Variants in ZNF182 observed in about 807,000 individuals in gnomAD.
ZNF182 encodes the protein zinc finger protein 21 (KOX 14).
ZNF182 carries 10 observed loss-of-function variants against 28.1 expected under a neutral mutation model. The observed-to-expected ratio is 0.36, with a 90% CI of 0.22 to 0.60. The LOEUF (loss-of-function observed/expected upper bound fraction) is 0.60. ZNF182 is among the 20% of genes least tolerant of loss of function. The pLI is 0.75. For synonymous variants in ZNF182, 156 were observed against 158.7 expected, an observed-to-expected ratio of 0.98 and a Z score of 0.13; for missense variants, 352 against 453.2, an observed-to-expected ratio of 0.78 and a Z score of 2.03.
At chrX:47,980,070 G>A (rs1229318992) in intron 5 of ZNF182, among the ~76,000 whole-genome samples, 3 of 111,261 alleles carry the variant, frequency 2.7e-5, no homozygotes, top group Admixed American at 9.6e-5. Flanking sequence ...GAATATCAAC[G>A]GATAAAGAAA....
At position 47,976,851 on chromosome X, in the gene ZNF182, A is replaced by T; in HGVS notation, c.1179T>A (p.Asn393Lys). 8.3e-7 allele frequency: 1 copy of T among 1,208,164 alleles called. No homozygotes were observed. Among genetic ancestry groups the T allele is most frequent in the Non-Finnish European group, 1.1e-6 (1 of 893,921 alleles). The change falls in exon 6 of 6, where the codon AAT becomes AAA. Residue 393 changes from asparagine to lysine, a missense_variant. Physicochemically the swap from Asn to Lys is moderately conservative, Grantham distance 94. Coordinates refer to ENST00000376943, the MANE Select transcript of ZNF182 (RefSeq NM_001007088.2). ...GATGCACAATGAGGGTTGACTTCTC[A>T]TTGAAAGACTTCCCACATTCAGTAC... is the stretch of plus-strand genomic sequence containing the variant. ...HKCTECGKSF[N>K]EKSTLIVHQR...
intron 3 of ZNF182, among the ~76,000 whole-genome samples, chrX:47,999,362 C>CA (rs34268696): frequency 1.4e-4 from 12 of 85,304 alleles, no homozygotes; most frequent in South Asian, 1.2e-3. Flanking sequence ...GACTCCATCT[C>CA]AAAAAAAAAA....
rs373291007 is a variant in ZNF182, at chrX:47,976,467, T to C, written c.1563A>G (p.Lys521=). 5.9e-5 allele frequency: 71 copies of C among 1,209,798 alleles called. No individual in the cohort carries two copies. Among genetic ancestry groups the C allele is most frequent in the Non-Finnish European group, 7.4e-5 (66 of 895,210 alleles). The stretch of plus-strand genomic sequence containing the variant: ...TCCAACACACAGGACATTCATAAGG[T>C]TTCTCTCCTGTATGAATTCTCTGAT... ...IIHQRIHTGE[K]PYECPVCWKA... Residue 521 remains lysine (K), a synonymous_variant, in exon 6 of 6, where the codon AAA becomes AAG. Coordinates refer to ENST00000376943, the MANE Select transcript of ZNF182 (RefSeq NM_001007088.2).
Position 47,976,029 on chromosome X carries a change from G to A in ZNF182, c.*138C>T, listed in dbSNP as rs1174170350. 6.1e-6 allele frequency: 4 copies of A among 655,971 alleles called. No homozygotes were observed. In the East Asian group the frequency reaches 1.1e-4, roughly 18 times the overall value. 54.1% of individuals were successfully genotyped at this position (655,971 alleles called of 1,213,427 possible). On this transcript the variant is annotated 3_prime_UTR_variant, in exon 6 of 6. Coordinates refer to ENST00000376943, the MANE Select transcript of ZNF182 (RefSeq NM_001007088.2). ...CTGCTTTTTCTCCCGTAGCTTTTGG[G>A]TTATGACTGAGATGAAAAGAAGAAA...
intron 3 of ZNF182, among the ~76,000 whole-genome samples, chrX:47,995,316 A>G (rs2058955217): frequency 9.0e-6 from 1 of 111,601 alleles, no homozygotes; most frequent in African/African-American, 3.3e-5. Flanking sequence ...TGGGCGACAG[A>G]GCGAGACGCT....
chrX:47,983,446 G>C, intron 3 of ZNF182, 35 bp from the exon 4 acceptor site: 2 of 1,169,819 alleles, frequency 1.7e-6, no homozygotes. Flanking sequence ...TTAAAATGCT[G>C]ACCACTAGAT....
intron 3 of ZNF182, among the ~76,000 whole-genome samples, chrX:47,993,812 CA>C (rs782360556): frequency 9.2e-6 from 1 of 108,234 alleles, no homozygotes; most frequent in East Asian, 2.9e-4. Context: ...GAGAAAAGAT[CA>C]ATAGAATTTA....
chrX:48,002,404 A>G (rs1233419650), intron 3 of ZNF182, 191 bp downstream of exon 3: 1 of 570,873 alleles, frequency 1.8e-6, no homozygotes, highest in Admixed American at 2.9e-5. Context: ...CTGACAGCCC[A>G]ACATCAATAT....
At chrX:48,002,756 G>C (rs781866687) in intron 2 of ZNF182, 103 bp from the exon 3 acceptor site, 1,082 of 656,391 alleles carry the variant, frequency 1.6e-3, no homozygotes, top group Non-Finnish European at 2.1e-3. Flanking sequence ...CTGGCCATCA[G>C]ACTGCTCTCT....
At chrX:47,994,904 G>A (rs1376246900) in intron 3 of ZNF182, among the ~76,000 whole-genome samples, 2 of 110,030 alleles carry the variant, frequency 1.8e-5, no homozygotes, top group Admixed American at 9.6e-5. Flanking sequence ...CTCCCAAAGT[G>A]CTGGGATTAC....
chrX:47,988,650 C>CTT, intron 3 of ZNF182: 2 of 347,370 alleles, frequency 5.8e-6, no homozygotes, highest in Non-Finnish European at 1.0e-5. Flanking sequence ...TTCTTTATAA[C>CTT]TTTTTTTTTC....
At chrX:47,986,165 C>A (rs988022875) in intron 3 of ZNF182, among the ~76,000 whole-genome samples, 2 of 112,148 alleles carry the variant, frequency 1.8e-5, no homozygotes, top group Admixed American at 9.4e-5. Context: ...TAAAACACCA[C>A]AATCCATTGA....
At chrX:47,997,610 T>C (rs1181701256) in intron 3 of ZNF182, among the ~76,000 whole-genome samples, 2 of 110,722 alleles carry the variant, frequency 1.8e-5, no homozygotes, top group African/African-American at 6.6e-5. Flanking sequence ...CTGGCCAACA[T>C]GGCAAAACCC....
chrX:47,989,656 A>G (rs949881259), intron 3 of ZNF182, among the ~76,000 whole-genome samples: 1 of 111,934 alleles, frequency 8.9e-6, no homozygotes, highest in Non-Finnish European at 1.9e-5. Context: ...AAGAATATAC[A>G]CTGCATAATA....
intron 3 of ZNF182, among the ~76,000 whole-genome samples, chrX:47,987,905 G>C (rs1322559409): frequency 8.9e-6 from 1 of 111,770 alleles, no homozygotes; most frequent in African/African-American, 3.3e-5. Context: ...GGAACATCTT[G>C]TGCCAGAAAA....
At chrX:47,981,564 T>C (rs998257855) in intron 5 of ZNF182, among the ~76,000 whole-genome samples, 1 of 112,562 alleles carries the variant, frequency 8.9e-6, no homozygotes, top group Non-Finnish European at 1.9e-5. Flanking sequence ...ATGTAACTCA[T>C]GGTAGCCAAA....
In ZNF182 at chrX:47,976,318, C is replaced by T; in HGVS notation, c.1712G>A (p.Arg571Lys). The T allele has an allele frequency of 8.3e-7, 1 of 1,206,571 alleles. No homozygotes were observed. The change falls in exon 6 of 6, where the codon AGA becomes AAA. Residue 571 changes from arginine to lysine, a missense_variant. Arg to Lys is a conservative substitution (Grantham distance 26). Transcript: ENST00000376943. ...REKSTFTVHQ[R>K]THTGEKPYKC... ...ATAGGGTTTCTCTCCAGTATGAGTT[C>T]TTTGATGTACAGTGAATGTTGACTT...
At position 47,975,470 on chromosome X, in the gene ZNF182, G is replaced by A. The variant is rs2058879335; in HGVS notation, c.*697C>T. ...TTTCCTGGACTTGCTATTTGCTGGAGGTTCATGTGGGAAAAGAAACCAGGG... is the reference window on the plus strand; with the variant it reads ...TTTCCTGGACTTGCTATTTGCTGGAAGTTCATGTGGGAAAAGAAACCAGGG... On this transcript the variant is annotated 3_prime_UTR_variant, in exon 6 of 6. Transcript: ENST00000376943. The A allele has an allele frequency of 1.8e-5, 2 of 111,011 alleles. No homozygotes were observed. The highest frequency in any genetic ancestry group is 3.8e-5 in the Non-Finnish European group (2 of 52,939). 9.1% of individuals were successfully genotyped at this position (111,011 alleles called of 1,213,427 possible).
intron 3 of ZNF182, among the ~76,000 whole-genome samples, chrX:47,994,016 T>C (rs1282224643): frequency 1.8e-5 from 2 of 111,336 alleles, no homozygotes; most frequent in Non-Finnish European, 3.8e-5. Context: ...GCAAAAGACA[T>C]AAACCTACAG....
Sources: allele counts gnomAD v4.1 joint callset (sites outside exome capture counted in the v4.1 genomes callset), GRCh38; gene constraint gnomAD v4.1.1; transcripts MANE v1.5; gene names NCBI Gene and HGNC (gene_info 2026-07-23, HGNC 2026-07-21).